The following MYO1B variants were observed in gnomAD, a reference collection of about 807,000 sequenced individuals.
MYO1B encodes the protein myosin IB, also known as unconventional myosin-Ib.
In MYO1B, 72 loss-of-function variants were observed where a neutral mutation model predicts 159.7. The observed-to-expected ratio is 0.45, with a 90% CI of 0.37 to 0.55. The LOEUF is 0.55. Ranked by LOEUF, MYO1B falls within the 20% of genes least tolerant of loss-of-function variation. The probability of loss-of-function intolerance (pLI) is 0.00; values close to 1 mark genes in which losing one functional copy is unlikely to be tolerated. For synonymous variants in MYO1B, 468 were observed against 473.8 expected (o/e 0.99, Z 0.16); for missense variants, 1,062 against 1,364.8 (o/e 0.78, Z 3.50).
At chr2:191,298,737 G>A (rs541150059) in intron 3 of MYO1B, among the ~76,000 whole-genome samples, 6 of 152,178 alleles carry the variant, frequency 3.9e-5, no homozygotes, top group African/African-American at 9.6e-5. Context: ...TACTTTATAC[G>A]TTTTATAACT....
At chr2:191,351,305 C>T (rs536255955) in intron 7 of MYO1B, among the ~76,000 whole-genome samples, 4 of 151,876 alleles carry the variant, frequency 2.6e-5, no homozygotes, top group Non-Finnish European at 4.4e-5. Context: ...AAGAAGGTAC[C>T]GGGGTAAAAT....
chr2:191,281,855 T>C (rs1215713368), intron 2 of MYO1B, among the ~76,000 whole-genome samples: 4 of 152,206 alleles, frequency 2.6e-5, no homozygotes, highest in African/African-American at 9.6e-5. Context: ...CATCTAGATA[T>C]AGGGGCCTGA....
intron 18 of MYO1B, among the ~76,000 whole-genome samples, chr2:191,391,354 T>G (rs752165047): frequency 6.6e-6 from 1 of 152,166 alleles, no homozygotes; most frequent in Non-Finnish European, 1.5e-5. Context: ...TCAACACACC[T>G]AGGACACTTA....
intron 13 of MYO1B, among the ~76,000 whole-genome samples, chr2:191,372,745 C>T (rs150543525): frequency 1.8e-4 from 27 of 152,264 alleles, no homozygotes; most frequent in African/African-American, 5.8e-4. Context: ...ATATTTTTCA[C>T]TTCTGGTTAA....
chr2:191,392,576 C>A (rs1451878036), intron 19 of MYO1B, among the ~76,000 whole-genome samples: 1 of 151,948 alleles, frequency 6.6e-6, no homozygotes, highest in East Asian at 1.9e-4. Flanking sequence ...CAGGAAAGCA[C>A]TAAAATGAAA....
At chr2:191,408,992 G>A (rs2126159441) in intron 25 of MYO1B, 52 bp from the exon 26 acceptor site, 2 of 1,549,948 alleles carry the variant, frequency 1.3e-6, no homozygotes, top group South Asian at 2.4e-5. Context: ...GTAAAACAGT[G>A]TCTTTTGTGG....
intron 1 of MYO1B, among the ~76,000 whole-genome samples, chr2:191,271,794 T>G (rs1190853090): frequency 6.6e-6 from 1 of 152,212 alleles, no homozygotes; most frequent in Admixed American, 6.5e-5. Flanking sequence ...TAGTACCATT[T>G]TGATATTGAA....
intron 1 of MYO1B, among the ~76,000 whole-genome samples, chr2:191,250,047 A>G (rs975352372): frequency 1.3e-5 from 2 of 152,248 alleles, no homozygotes; most frequent in African/African-American, 4.8e-5. Flanking sequence ...CACACAGGTC[A>G]TGCAAGACAA....
intron 6 of MYO1B, among the ~76,000 whole-genome samples, chr2:191,348,056 T>C (rs1164998217): frequency 6.6e-6 from 1 of 152,182 alleles, no homozygotes; most frequent in Non-Finnish European, 1.5e-5. Context: ...GTTTGACATA[T>C]TGAGCTACGA....
chr2:191,319,726 A>C (rs1407771260), intron 3 of MYO1B, among the ~76,000 whole-genome samples: 1 of 152,166 alleles, frequency 6.6e-6, no homozygotes, highest in Non-Finnish European at 1.5e-5. Context: ...AAGCAAAATA[A>C]ATGCATTATA....
At chr2:191,343,247 G>A (rs1692338847) in intron 5 of MYO1B, among the ~76,000 whole-genome samples, 1 of 152,194 alleles carries the variant, frequency 6.6e-6, no homozygotes, top group South Asian at 2.1e-4. Context: ...ATGGAAGGAT[G>A]AGATTCAACA....
intron 7 of MYO1B, among the ~76,000 whole-genome samples, chr2:191,355,331 T>G (rs1237720790): frequency 6.6e-6 from 1 of 152,238 alleles, no homozygotes; most frequent in Non-Finnish European, 1.5e-5. Flanking sequence ...ATAAATGGTA[T>G]TGTTTTAAGC....
intron 1 of MYO1B, among the ~76,000 whole-genome samples, chr2:191,273,512 G>A (rs1687581651): frequency 6.6e-6 from 1 of 152,208 alleles, no homozygotes; most frequent in African/African-American, 2.4e-5. Flanking sequence ...GATGGCTGCA[G>A]TAGTTCCAAG....
intron 1 of MYO1B, among the ~76,000 whole-genome samples, chr2:191,261,923 T>A (rs1686836020): frequency 6.6e-6 from 1 of 152,174 alleles, no homozygotes; most frequent in African/African-American, 2.4e-5. Flanking sequence ...TTTAGGTATG[T>A]ATCATTTTTT....
chr2:191,326,770 ATGTGTGTGTGTGTGTGTGTG>A (rs35184577), intron 3 of MYO1B, among the ~76,000 whole-genome samples: 12 of 137,152 alleles, frequency 8.7e-5, no homozygotes, highest in South Asian at 2.5e-4. Context: ...GTTTGTATAT[ATGTGTGTGTGTGTGTGTGTG>A]TGTGTGTGTG....
At chr2:191,403,672 A>G (rs1696746184) in intron 24 of MYO1B, among the ~76,000 whole-genome samples, 1 of 152,144 alleles carries the variant, frequency 6.6e-6, no homozygotes, top group Admixed American at 6.5e-5. Context: ...TTTTTCTGCA[A>G]TTTCAGCCTA....
chr2:191,304,248 G>A (rs1689508391), intron 3 of MYO1B, among the ~76,000 whole-genome samples: 1 of 152,158 alleles, frequency 6.6e-6, no homozygotes, highest in Admixed American at 6.5e-5. Context: ...TTTCTTCCCA[G>A]TATGTTGCTT....
intron 2 of MYO1B, among the ~76,000 whole-genome samples, chr2:191,278,976 G>A (rs556959572): frequency 2.7e-4 from 41 of 152,262 alleles, no homozygotes; most frequent in Middle Eastern, 3.4e-3. Flanking sequence ...AGAACATTAC[G>A]TGCATTCAAA....
intron 1 of MYO1B, among the ~76,000 whole-genome samples, chr2:191,265,559 T>C (rs757792678): frequency 6.6e-6 from 1 of 152,168 alleles, no homozygotes; most frequent in Non-Finnish European, 1.5e-5. Context: ...CACCAGTCTT[T>C]CTTGGCGTCT....
Sources: gnomAD v4.1 joint callset for allele counts (sites outside exome capture counted in the v4.1 genomes callset) on GRCh38, gnomAD v4.1.1 for gene constraint, MANE v1.5 for transcripts, NCBI Gene and HGNC (gene_info 2026-07-23, HGNC 2026-07-21) for gene names.